PCDHA11: variants seen among roughly 807,000 people sequenced by gnomAD.
PCDHA11 encodes protocadherin alpha 11.
PCDHA11 carries 61 observed loss-of-function variants against 70.3 expected under a neutral mutation model. The ratio of observed to expected loss-of-function variants is 0.87; its 90% CI spans 0.71 to 1.07. The LOEUF (loss-of-function observed/expected upper bound fraction) is 1.07. Among genes scored for constraint, PCDHA11 ranks in the 50% least tolerant of loss-of-function variants. PCDHA11 has a pLI of 0.00. For missense variants in PCDHA11, 1,324 were observed against 1,237.5 expected, an observed-to-expected ratio of 1.07 and a Z score of -1.05; for synonymous variants, 633 against 555.1, an observed-to-expected ratio of 1.14 and a Z score of -1.97.
chr5:140,928,989 A>T (rs1554206541), intron 1 of PCDHA11: 1 of 1,613,824 alleles, frequency 6.2e-7, no homozygotes, highest in Non-Finnish European at 8.5e-7. Context: ...TGGGGTGCTT[A>T]CTTTTCTTCG....
chr5:140,943,359 G>T (rs1374185019), intron 1 of PCDHA11, among the ~76,000 whole-genome samples: 2 of 151,772 alleles, frequency 1.3e-5, no homozygotes, highest in Non-Finnish European at 2.9e-5. Flanking sequence ...TAGAGGAAAG[G>T]AGATCATTAA....
At chr5:140,945,304 C>T (rs993719774) in intron 1 of PCDHA11, among the ~76,000 whole-genome samples, 3 of 151,880 alleles carry the variant, frequency 2.0e-5, no homozygotes, top group African/African-American at 7.3e-5. Flanking sequence ...TTGAAGAAGA[C>T]ACAAATAAAT....
At chr5:140,907,591 C>T (rs539639384) in intron 1 of PCDHA11, among the ~76,000 whole-genome samples, 10 of 152,294 alleles carry the variant, frequency 6.6e-5, no homozygotes, top group African/African-American at 2.4e-4. Flanking sequence ...GGCTGATCAC[C>T]CTGAGGAATG....
chr5:140,966,234 C>T (rs77272068), intron 1 of PCDHA11: 2,919 of 290,608 alleles, frequency 0.01, 77 homozygotes, highest in African/African-American at 0.056. Context: ...CTTAAAGACC[C>T]GTTAAGCAGG....
intron 1 of PCDHA11, among the ~76,000 whole-genome samples, chr5:140,913,895 C>A (rs2076500910): frequency 6.6e-6 from 1 of 152,066 alleles, no homozygotes; most frequent in South Asian, 2.1e-4. Flanking sequence ...TTCCAAAATT[C>A]CCCTTTTTTA....
intron 1 of PCDHA11, among the ~76,000 whole-genome samples, chr5:140,895,253 C>A (rs2153449431): frequency 6.6e-6 from 1 of 152,084 alleles, no homozygotes; most frequent in East Asian, 1.9e-4. Context: ...TCAAAGCTTT[C>A]TTTTTTTTCT....
chr5:140,914,115 G>A (rs1287523867), intron 1 of PCDHA11, among the ~76,000 whole-genome samples: 1 of 152,168 alleles, frequency 6.6e-6, no homozygotes, highest in Non-Finnish European at 1.5e-5. Flanking sequence ...GATTAAGTCT[G>A]ATGTTTCTTT....
At chr5:140,931,782 C>T (rs967402790) in intron 1 of PCDHA11, among the ~76,000 whole-genome samples, 9 of 151,848 alleles carry the variant, frequency 5.9e-5, no homozygotes, top group Non-Finnish European at 5.9e-5. Flanking sequence ...GTTCAATTAC[C>T]TATTGATCTG....
At chr5:140,961,001 C>A (rs2095583358) in intron 1 of PCDHA11, among the ~76,000 whole-genome samples, 1 of 152,144 alleles carries the variant, frequency 6.6e-6, no homozygotes, top group Non-Finnish European at 1.5e-5. Context: ...CAATTTGCTG[C>A]TGGACTGCAT....
chr5:140,919,505 CTA>C (rs2079156587), intron 1 of PCDHA11, among the ~76,000 whole-genome samples: 3 of 152,008 alleles, frequency 2.0e-5, no homozygotes, highest in Admixed American at 6.6e-5. Context: ...ACTCCTTTTT[CTA>C]TATGTTTTAA....
rs140124026 is a variant in PCDHA11, at chr5:140,973,683, C to T, written c.2392-5266C>T. On this transcript the variant is annotated intron_variant, in intron 1 of 3. Coordinates refer to ENST00000398640, the MANE Select transcript of PCDHA11 (RefSeq NM_018902.5). ...TTTATTGTAGCTTGAATGTCATTGG[C>T]CTACTGTTTCCTTCTGACCCAGGAG... is the stretch of plus-strand genomic sequence containing the variant. Among the ~76,000 whole-genome samples, 5 of 152,316 alleles carry T rather than the reference C, an allele frequency of 3.3e-5. No homozygotes were observed. The East Asian group carries it at 7.7e-4, about 24-fold the overall frequency.
intron 1 of PCDHA11, among the ~76,000 whole-genome samples, chr5:140,974,046 GATA>G (rs1554235775): frequency 6.6e-6 from 1 of 152,184 alleles, no homozygotes; most frequent in African/African-American, 2.4e-5. Context: ...TTATTAATAT[GATA>G]ATATTTGGAG....
chr5:140,958,495 C>T (rs559117374), intron 1 of PCDHA11, among the ~76,000 whole-genome samples: 1 of 152,138 alleles, frequency 6.6e-6, no homozygotes, highest in African/African-American at 2.4e-5. Context: ...TCCACATATC[C>T]TAGGAGGCAT....
At position 141,010,158 on chromosome 5, in the gene PCDHA11, GT is replaced by G. The variant is rs1563735803; in HGVS notation, c.*225del. 1.3e-6 allele frequency: 2 copies of G among 1,570,690 alleles called. No homozygotes were observed. The highest frequency in any genetic ancestry group is 1.7e-6 in the Non-Finnish European group (2 of 1,156,884). ...TAACTCTTTCTCTCCACTCTGGCTT[GT>G]TTTCAGAACCTAAAAAGCAGACCCA... On this transcript the variant is annotated 3_prime_UTR_variant, in exon 4 of 4. Coordinates refer to ENST00000398640, the MANE Select transcript of PCDHA11 (RefSeq NM_018902.5).
intron 1 of PCDHA11, chr5:140,877,314 G>A (rs2057020187): frequency 6.2e-7 from 1 of 1,613,972 alleles, no homozygotes; most frequent in Admixed American, 1.7e-5. Context: ...TGCAACCGGC[G>A]GCGGTCGGCG....
chr5:140,930,766 T>C (rs1476506441), intron 1 of PCDHA11, among the ~76,000 whole-genome samples: 1 of 152,240 alleles, frequency 6.6e-6, no homozygotes, highest in Admixed American at 6.5e-5. Context: ...AAATTTTCTG[T>C]ACTTAATATT....
chr5:140,909,935 A>G (rs2074774035), intron 1 of PCDHA11, among the ~76,000 whole-genome samples: 1 of 152,154 alleles, frequency 6.6e-6, no homozygotes, highest in Admixed American at 6.5e-5. Flanking sequence ...AATCACAGTT[A>G]CTCTGGTAAA....
chr5:141,007,416 AAATT>A (rs2098327486), intron 3 of PCDHA11, among the ~76,000 whole-genome samples: 1 of 149,348 alleles, frequency 6.7e-6, no homozygotes, highest in Non-Finnish European at 1.5e-5. Context: ...AAAAAAAAAA[AAATT>A]AGCCAGGCAT....
Position 140,927,154 on chromosome 5 carries a change from A to C in PCDHA11, c.2392-51795A>C, listed in dbSNP as rs141284501. 8 of 1,614,050 alleles carry C rather than the reference A, an allele frequency of 5.0e-6. No individual in the cohort carries two copies. The African/African-American group carries it at 8.0e-5, about 16-fold the overall frequency. On this transcript the variant is annotated intron_variant, in intron 1 of 3. Transcript: ENST00000398640. ...GCCGGCGGACCGCGAACAGCTGTGC[A>C]GGGCCAAAGCTGCCTGCGTCTTGAC...
Sources: allele counts gnomAD v4.1 joint callset (sites outside exome capture counted in the v4.1 genomes callset), GRCh38; gene constraint gnomAD v4.1.1; transcripts MANE v1.5; gene names NCBI Gene and HGNC (gene_info 2026-07-23, HGNC 2026-07-21).